DCLK1: variants seen among roughly 807,000 people sequenced by gnomAD.
DCLK1 encodes doublecortin like kinase 1.
In DCLK1, 16 loss-of-function variants were observed where a neutral mutation model predicts 86.2. The observed-to-expected ratio is 0.19, with a 90% CI of 0.13 to 0.28. The LOEUF (loss-of-function observed/expected upper bound fraction) is 0.28, where lower values mean the gene tolerates loss of function less well. Ranked by LOEUF, DCLK1 falls within the 10% of genes least tolerant of loss-of-function variation. The probability of loss-of-function intolerance (pLI) is 1.00; values close to 1 mark genes in which losing one functional copy is unlikely to be tolerated. For missense variants in DCLK1, 590 were observed against 940.2 expected (o/e 0.63, Z 4.87); for synonymous variants, 369 against 370.5 (o/e 1.00, Z 0.05).
chr13:35,918,892 G>GTTTTTTTTTTTTTTT (rs749567335), intron 4 of DCLK1, among the ~76,000 whole-genome samples: 16,301 of 75,692 alleles, frequency 0.22, 5,532 homozygotes, highest in Non-Finnish European at 0.27. Context: ...TTCTGAGTGT[G>GTTTTTTTTTTTTTTT]TTTTTTTTTT....
At chr13:35,886,479 A>G (rs1333866802) in intron 4 of DCLK1, among the ~76,000 whole-genome samples, 1 of 152,084 alleles carries the variant, frequency 6.6e-6, no homozygotes, top group Non-Finnish European at 1.5e-5. Flanking sequence ...GAAGCAAAGG[A>G]TGTTAGAAAA....
chr13:35,957,616 C>T (rs972780542), intron 3 of DCLK1, among the ~76,000 whole-genome samples: 1 of 152,106 alleles, frequency 6.6e-6, no homozygotes, highest in African/African-American at 2.4e-5. Flanking sequence ...ATCACTTTGC[C>T]TGGTATGTTC....
chr13:35,894,172 A>G (rs1873811047), intron 4 of DCLK1, among the ~76,000 whole-genome samples: 1 of 152,132 alleles, frequency 6.6e-6, no homozygotes, highest in Non-Finnish European at 1.5e-5. Context: ...CTTGTATCTG[A>G]AATACTTCTG....
intron 3 of DCLK1, among the ~76,000 whole-genome samples, chr13:36,087,673 T>A (rs1884661163): frequency 6.6e-6 from 1 of 152,146 alleles, no homozygotes; most frequent in Non-Finnish European, 1.5e-5. Flanking sequence ...CATACCTTTT[T>A]CCCACCAAGA....
intron 15 of DCLK1, among the ~76,000 whole-genome samples, chr13:35,798,950 G>A (rs543056723): frequency 1.3e-4 from 20 of 152,106 alleles, no homozygotes; most frequent in Non-Finnish European, 2.8e-4. Flanking sequence ...GGACTTAGCA[G>A]AATCTTTTCA....
At chr13:35,969,011 G>A (rs531159887) in intron 3 of DCLK1, among the ~76,000 whole-genome samples, 1 of 152,178 alleles carries the variant, frequency 6.6e-6, no homozygotes, top group South Asian at 2.1e-4. Flanking sequence ...AATTTCCCTG[G>A]GTCTGGTGTA....
Position 36,111,753 on chromosome 13 carries a change from T to A in DCLK1, c.723+116A>T, listed in dbSNP as rs74046735. 4,423 of 830,074 alleles carry A rather than the reference T, an allele frequency of 5.3e-3. 146 individuals are homozygous for A. The African/African-American group carries it at 0.068, about 13-fold the overall frequency. The allele number at this position is 830,074 out of a possible 1,614,324, so 51.4% of individuals were successfully genotyped here. Reference sequence around the variant, plus strand: ...GGGCCAGCAAGTACATATTTGTTGATCAAGTGACCCAGGCCCTTTAACAAC... The same window carrying A: ...GGGCCAGCAAGTACATATTTGTTGAACAAGTGACCCAGGCCCTTTAACAAC... On this transcript the variant is annotated intron_variant, in intron 3 of 16. Transcript: ENST00000360631.
chr13:36,036,703 A>G (rs957226481), intron 3 of DCLK1, among the ~76,000 whole-genome samples: 2 of 152,190 alleles, frequency 1.3e-5, no homozygotes, highest in Non-Finnish European at 2.9e-5. Context: ...GATTTTATAC[A>G]TGTTAAACAT....
In DCLK1 at chr13:35,770,636, T is replaced by C. The variant is rs2153096264; in HGVS notation, c.*3899A>G. ...TCTTTGGGCAAAAAAAAATATCATG[T>C]AGCAGTTAAAAAAATTATTGACTTA... On this transcript the variant is annotated 3_prime_UTR_variant, in exon 17 of 17. Coordinates refer to ENST00000360631, the MANE Select transcript of DCLK1 (RefSeq NM_001330071.2). 1 of 152,328 alleles carries C rather than the reference T, an allele frequency of 6.6e-6. No homozygotes were observed. Among genetic ancestry groups the C allele is most frequent in the African/African-American group, 2.4e-5 (1 of 41,584 alleles). The allele number at this position is 152,328 out of a possible 1,614,324, so 9.4% of individuals were successfully genotyped here.
chr13:36,058,815 G>T (rs531588314), intron 3 of DCLK1, among the ~76,000 whole-genome samples: 11 of 152,284 alleles, frequency 7.2e-5, no homozygotes, highest in Admixed American at 2.6e-4. Context: ...ATATAATTTA[G>T]TGGGGAGTAT....
At chr13:35,789,391 T>C (rs1187830141) in intron 16 of DCLK1, among the ~76,000 whole-genome samples, 1 of 152,234 alleles carries the variant, frequency 6.6e-6, no homozygotes, top group East Asian at 1.9e-4. Context: ...GAAGTTTTAA[T>C]CTTTTTAAAA....
chr13:36,084,079 T>C (rs903529220), intron 3 of DCLK1, among the ~76,000 whole-genome samples: 4 of 152,176 alleles, frequency 2.6e-5, no homozygotes, highest in Admixed American at 6.5e-5. Flanking sequence ...TAAAAATACA[T>C]TGGAGCAAAC....
At chr13:35,851,273 T>C (rs1422789545) in intron 6 of DCLK1, among the ~76,000 whole-genome samples, 1 of 152,188 alleles carries the variant, frequency 6.6e-6, no homozygotes, top group Admixed American at 6.5e-5. Flanking sequence ...AATATTATGT[T>C]TGGATGACAG....
At chr13:35,941,195 G>C (rs1305971237) in intron 4 of DCLK1, among the ~76,000 whole-genome samples, 4 of 151,468 alleles carry the variant, frequency 2.6e-5, no homozygotes, top group African/African-American at 9.7e-5. Context: ...ACTTTTTTTT[G>C]CCATTACTTT....
chr13:35,835,792 GTCTC>G (rs1869325406), intron 8 of DCLK1, among the ~76,000 whole-genome samples: 1 of 152,118 alleles, frequency 6.6e-6, no homozygotes, highest in Admixed American at 6.5e-5. Flanking sequence ...AGCTGGCAAC[GTCTC>G]TCTGAGTACA....
At chr13:35,909,778 G>C (rs1593722978) in intron 4 of DCLK1, among the ~76,000 whole-genome samples, 1 of 152,036 alleles carries the variant, frequency 6.6e-6, no homozygotes, top group Non-Finnish European at 1.5e-5. Flanking sequence ...CATTTTCAAC[G>C]AGAGCTAATC....
intron 16 of DCLK1, among the ~76,000 whole-genome samples, chr13:35,776,617 A>G (rs2086429007): frequency 1.3e-5 from 2 of 152,212 alleles, no homozygotes; most frequent in Non-Finnish European, 2.9e-5. Context: ...TGCTGTAGGT[A>G]GAAATGGATG....
At chr13:35,780,881 C>T (rs2086513544) in intron 16 of DCLK1, among the ~76,000 whole-genome samples, 1 of 152,230 alleles carries the variant, frequency 6.6e-6, no homozygotes, top group African/African-American at 2.4e-5. Context: ...CCTGCCGTAA[C>T]ACCAGGCATA....
chr13:35,938,493 A>T (rs1022696955), intron 4 of DCLK1, among the ~76,000 whole-genome samples: 1 of 151,968 alleles, frequency 6.6e-6, no homozygotes, highest in Non-Finnish European at 1.5e-5. Context: ...ACCAGGCATG[A>T]TGGCACGTGC....
Sources: gnomAD v4.1 joint callset for allele counts (sites outside exome capture counted in the v4.1 genomes callset) on GRCh38, gnomAD v4.1.1 for gene constraint, MANE v1.5 for transcripts, NCBI Gene and HGNC (gene_info 2026-07-23, HGNC 2026-07-21) for gene names.